Variants in SORBS2 observed in about 807,000 individuals in gnomAD.
The protein encoded by SORBS2 is sorbin and SH3 domain containing 2, also known as sorbin and SH3 domain-containing protein 2.
SORBS2 carries 46 observed loss-of-function variants against 97.7 expected under a neutral mutation model. The observed-to-expected ratio is 0.47, with a 90% CI of 0.37 to 0.60. SORBS2 has a LOEUF of 0.60. SORBS2 is among the 20% of genes least tolerant of loss of function. SORBS2 has a pLI of 0.00. For synonymous variants in SORBS2, 476 were observed against 473.4 expected (o/e 1.01, Z -0.07); for missense variants, 1,316 against 1,282.3 (o/e 1.03, Z -0.40).
At chr4:185,711,982 C>T (rs190263979) in intron 2 of SORBS2, among the ~76,000 whole-genome samples, 51 of 152,268 alleles carry the variant, frequency 3.3e-4, no homozygotes, top group Admixed American at 3.0e-3. Context: ...ATATTTGACT[C>T]ATAACTCCTC....
chr4:185,587,634 C>G, exon 15 of SORBS2: 1 of 1,613,372 alleles, frequency 6.2e-7, no homozygotes. Flanking sequence ...AATTCACAGC[C>G]TCTTGACGTA....
chr4:185,782,453 A>T (rs1218991143), intron 1 of SORBS2, among the ~76,000 whole-genome samples: 1 of 152,266 alleles, frequency 6.6e-6, no homozygotes, highest in African/African-American at 2.4e-5. Context: ...CTACTAGGGT[A>T]GAGTGAGGTC....
intron 2 of SORBS2, among the ~76,000 whole-genome samples, chr4:185,716,493 G>A (rs567476438): frequency 1.3e-5 from 2 of 152,360 alleles, no homozygotes; most frequent in East Asian, 3.9e-4. Flanking sequence ...CCTTGGCACC[G>A]ACAGGTGTGA....
At chr4:185,774,727 A>G (rs1226339123) in intron 2 of SORBS2, 1 of 152,262 alleles carries the variant, frequency 6.6e-6, no homozygotes, top group Non-Finnish European at 1.5e-5. Flanking sequence ...CCCCCAAATC[A>G]ACCACTCTAA....
chr4:185,714,403 A>T (rs575902417), intron 2 of SORBS2, among the ~76,000 whole-genome samples: 1 of 152,344 alleles, frequency 6.6e-6, no homozygotes, highest in Non-Finnish European at 1.5e-5. Flanking sequence ...CATTAAGTAG[A>T]ATAATGGCAG....
intron 4 of SORBS2, among the ~76,000 whole-genome samples, chr4:185,672,407 T>A (rs1053338934): frequency 6.6e-6 from 1 of 152,196 alleles, no homozygotes; most frequent in Non-Finnish European, 1.5e-5. Flanking sequence ...TAGAAACTGT[T>A]TGGGGGTGTA....
At chr4:185,587,852 G>A (rs1286876818) in intron 14 of SORBS2, 164 bp from the exon 27 acceptor site, 3 of 602,432 alleles carry the variant, frequency 5.0e-6, no homozygotes, top group Non-Finnish European at 6.0e-6. Flanking sequence ...GACAAAATAA[G>A]CAGTGTTAGC....
intron 12 of SORBS2, among the ~76,000 whole-genome samples, chr4:185,605,636 G>A (rs989935452): frequency 4.0e-5 from 6 of 151,614 alleles, no homozygotes; most frequent in Admixed American, 3.3e-4. Context: ...CCAGGCTGGA[G>A]TGCACTGGCA....
At chr4:185,663,291 C>T (rs1371392170) in intron 4 of SORBS2, among the ~76,000 whole-genome samples, 4 of 152,218 alleles carry the variant, frequency 2.6e-5, no homozygotes, top group Admixed American at 2.6e-4. Context: ...AACTTCTATT[C>T]CACAGGCTTG....
chr4:185,793,939 C>T (rs544758779), intron 1 of SORBS2, among the ~76,000 whole-genome samples: 2 of 152,364 alleles, frequency 1.3e-5, no homozygotes, highest in Admixed American at 6.5e-5. Context: ...TTGGTCCCCG[C>T]AGGCTCCTGC....
chr4:185,714,795 C>A (rs2098452203), intron 2 of SORBS2, among the ~76,000 whole-genome samples: 2 of 152,180 alleles, frequency 1.3e-5, no homozygotes, highest in South Asian at 2.1e-4. Flanking sequence ...AGGGAAACCA[C>A]CCCCATGATC....
At chr4:185,645,912 T>A (rs372225658) in intron 4 of SORBS2, 32 of 152,294 alleles carry the variant, frequency 2.1e-4, no homozygotes, top group African/African-American at 7.2e-4. Flanking sequence ...AGGGAAGACC[T>A]ATGTGTGAAC....
chr4:185,654,120 C>T (rs1354363623), intron 1 of SORBS2, among the ~76,000 whole-genome samples: 1 of 152,100 alleles, frequency 6.6e-6, no homozygotes, highest in Non-Finnish European at 1.5e-5. Flanking sequence ...CATGAAGGGC[C>T]ACTTGACTTC....
intron 4 of SORBS2, chr4:185,665,702 C>T (rs553473130): frequency 3.2e-5 from 30 of 944,450 alleles, no homozygotes; most frequent in South Asian, 4.9e-5. Context: ...TTCAAGGAAA[C>T]GGTGGAGGCA....
intron 1 of SORBS2, among the ~76,000 whole-genome samples, chr4:185,808,784 C>A (rs1400942995): frequency 6.6e-6 from 1 of 152,202 alleles, no homozygotes; most frequent in East Asian, 1.9e-4. Context: ...AAAACAACTT[C>A]ATAAGTGTCT....
chr4:185,918,656 C>G (rs1246094753), intron 1 of SORBS2: 1 of 152,230 alleles, frequency 6.6e-6, no homozygotes, highest in African/African-American at 2.4e-5. Flanking sequence ...TCTGTTTCCA[C>G]TCACCTCTTC....
intron 1 of SORBS2, among the ~76,000 whole-genome samples, chr4:185,840,649 AC>A (rs1331439678): frequency 6.6e-6 from 1 of 152,208 alleles, no homozygotes; most frequent in Non-Finnish European, 1.5e-5. Flanking sequence ...TCTTTCAAAT[AC>A]AATTCGATTT....
intron 1 of SORBS2, among the ~76,000 whole-genome samples, chr4:185,834,958 C>T (rs1236748582): frequency 1.3e-5 from 2 of 152,180 alleles, no homozygotes; most frequent in African/African-American, 4.8e-5. Flanking sequence ...AGAGGTGGGA[C>T]TGGTGGGAGG....
At chr4:185,793,248 G>A (rs1280707211) in intron 1 of SORBS2, among the ~76,000 whole-genome samples, 1 of 152,220 alleles carries the variant, frequency 6.6e-6, no homozygotes, top group East Asian at 1.9e-4. Flanking sequence ...TCAAGCAAGT[G>A]CTTCAGGATT....
Sources: allele counts gnomAD v4.1 joint callset (sites outside exome capture counted in the v4.1 genomes callset), GRCh38; gene constraint gnomAD v4.1.1; transcripts MANE v1.5; gene names NCBI Gene and HGNC (gene_info 2026-07-23, HGNC 2026-07-21).